AGPAT5: variants seen among roughly 807,000 people sequenced by gnomAD.
The protein encoded by AGPAT5 is 1-acylglycerol-3-phosphate O-acyltransferase 5.
AGPAT5 carries 46 observed loss-of-function variants against 45.6 expected under a neutral mutation model. The ratio of observed to expected loss-of-function variants is 1.01; its 90% CI spans 0.80 to 1.29. The LOEUF is 1.29. Ranked by LOEUF, AGPAT5 falls within the 50% of genes most tolerant of loss-of-function variation. AGPAT5 has a pLI of 0.00. For synonymous variants in AGPAT5, 272 were observed against 167.0 expected (o/e 1.63, Z -4.85); for missense variants, 673 against 450.7 (o/e 1.49, Z -4.47).
At chr8:6,747,912 G>C in intron 6 of AGPAT5, 84 bp downstream of exon 6, 1 of 1,404,550 alleles carries the variant, frequency 7.1e-7, no homozygotes, top group Non-Finnish European at 9.5e-7. Flanking sequence ...TACAAAGTAG[G>C]TTAAGTGTAC....
intron 5 of AGPAT5, among the ~76,000 whole-genome samples, chr8:6,744,321 T>C (rs764969470): frequency 5.3e-5 from 8 of 152,216 alleles, no homozygotes; most frequent in African/African-American, 9.6e-5. Context: ...AGAAAGCTAG[T>C]GCTCAGCTTT....
In AGPAT5 at chr8:6,757,391, A is replaced by G; in HGVS notation, c.*3A>G. ...TGTGGGTTACTATTAAAGCATAGAC[A>G]AGTAGCTGTCTCCAGACAGTGGGAT... On this transcript the variant is annotated 3_prime_UTR_variant, in exon 8 of 8. Transcript: ENST00000285518. The G allele has an allele frequency of 1.2e-6, 2 of 1,612,608 alleles. No individual in the cohort carries two copies. Among genetic ancestry groups the G allele is most frequent in the South Asian group, 2.2e-5 (2 of 91,002 alleles).
At chr8:6,729,963 G>A (rs998623023) in intron 2 of AGPAT5, among the ~76,000 whole-genome samples, 4 of 152,020 alleles carry the variant, frequency 2.6e-5, no homozygotes, top group African/African-American at 4.8e-5. Context: ...ACCTAGTACC[G>A]AGTCCTAAAA....
chr8:6,755,491 C>T (rs1364381889), intron 7 of AGPAT5, among the ~76,000 whole-genome samples: 1 of 152,184 alleles, frequency 6.6e-6, no homozygotes, highest in Non-Finnish European at 1.5e-5. Context: ...CCGGACCTAC[C>T]TGTCAGGTCA....
chr8:6,723,402 G>C (rs1020548993), intron 1 of AGPAT5, among the ~76,000 whole-genome samples: 6 of 152,162 alleles, frequency 3.9e-5, no homozygotes, highest in Non-Finnish European at 7.3e-5. Context: ...GCCCATGCTG[G>C]GTTTGAACTT....
chr8:6,747,897 A>G, intron 6 of AGPAT5, 69 bp downstream of exon 6: 2 of 1,466,406 alleles, frequency 1.4e-6, no homozygotes, highest in East Asian at 4.7e-5. Flanking sequence ...TGTAGAATTC[A>G]GTTTTACAAA....
At chr8:6,720,406 C>G (rs1800461030) in intron 1 of AGPAT5, among the ~76,000 whole-genome samples, 2 of 152,138 alleles carry the variant, frequency 1.3e-5, no homozygotes, top group Non-Finnish European at 2.9e-5. Flanking sequence ...CATCATAAGT[C>G]AGAACAGTGC....
At chr8:6,726,649 AC>A (rs995200531) in intron 2 of AGPAT5, among the ~76,000 whole-genome samples, 8 of 152,212 alleles carry the variant, frequency 5.3e-5, no homozygotes, top group African/African-American at 1.7e-4. Context: ...ATTAAAAAAA[AC>A]AATTCTGCAT....
chr8:6,714,837 A>G (rs1352821016), intron 1 of AGPAT5, among the ~76,000 whole-genome samples: 2 of 152,228 alleles, frequency 1.3e-5, no homozygotes, highest in East Asian at 1.9e-4. Flanking sequence ...ACGGGAAAAC[A>G]GCACTCCGTA....
At chr8:6,716,306 C>A (rs1222587579) in intron 1 of AGPAT5, among the ~76,000 whole-genome samples, 10 of 152,152 alleles carry the variant, frequency 6.6e-5, no homozygotes, top group Admixed American at 6.5e-4. Flanking sequence ...TGCCTGTAAT[C>A]CCAGCATTTT....
chr8:6,730,870 AATTT>A, intron 3 of AGPAT5, 44 bp downstream of exon 3: 3 of 1,243,232 alleles, frequency 2.4e-6, no homozygotes, highest in South Asian at 1.4e-5. Flanking sequence ...GTAGTTTATA[AATTT>A]TTTTTTTTTT....
intron 1 of AGPAT5, among the ~76,000 whole-genome samples, chr8:6,716,110 G>A (rs1800320822): frequency 6.6e-6 from 1 of 152,074 alleles, no homozygotes; most frequent in South Asian, 2.1e-4. Context: ...CCATCTCATT[G>A]TCAGGGTAAC....
chr8:6,731,053 G>T (rs1023787600), intron 3 of AGPAT5, among the ~76,000 whole-genome samples: 12 of 151,922 alleles, frequency 7.9e-5, no homozygotes, highest in African/African-American at 2.7e-4. Flanking sequence ...ATTTTTTGTA[G>T]AGATGGGGGT....
Position 6,758,834 on chromosome 8 carries a change from T to G in AGPAT5, c.*1446T>G, listed in dbSNP as rs1260628716. The G allele has an allele frequency of 1.3e-5, 2 of 152,664 alleles. No individual in the cohort carries two copies. Among genetic ancestry groups the G allele is most frequent in the Non-Finnish European group, 2.9e-5 (2 of 68,044 alleles). The allele number at this position is 152,664 out of a possible 1,614,324, so 9.5% of individuals were successfully genotyped here. A position where few individuals can be genotyped will look rare whatever the true frequency, so the allele number is the denominator to read the frequency against. ...TCCTCATAGTCCTTTAAGTTGACAT[T>G]TCTGCTTACTGCTACTGGATTTTTG... On this transcript the variant is annotated 3_prime_UTR_variant, in exon 8 of 8. Transcript: ENST00000285518.
intron 2 of AGPAT5, among the ~76,000 whole-genome samples, chr8:6,726,028 C>G (rs1012991546): frequency 6.6e-6 from 1 of 152,200 alleles, no homozygotes; most frequent in African/African-American, 2.4e-5. Flanking sequence ...AGGGTTGAAG[C>G]TACAAGGGGT....
intron 5 of AGPAT5, among the ~76,000 whole-genome samples, chr8:6,742,078 C>T (rs969184652): frequency 6.6e-6 from 1 of 152,150 alleles, no homozygotes; most frequent in Non-Finnish European, 1.5e-5. Context: ...TGTAATGGAG[C>T]TTCTGTTTTG....
At chr8:6,711,565 T>C (rs1397222978) in intron 1 of AGPAT5, among the ~76,000 whole-genome samples, 1 of 152,212 alleles carries the variant, frequency 6.6e-6, no homozygotes, top group Non-Finnish European at 1.5e-5. Context: ...CTCTCTACTG[T>C]GTTGAGAGGC....
intron 6 of AGPAT5, among the ~76,000 whole-genome samples, chr8:6,754,339 T>C (rs1267601279): frequency 6.6e-6 from 1 of 152,204 alleles, no homozygotes; most frequent in Non-Finnish European, 1.5e-5. Context: ...ATAATTTTGG[T>C]TCTTTTACCA....
chr8:6,759,506 C>T lies in AGPAT5; in HGVS notation c.*2118C>T, dbSNP rs1174347151. ...GTATACCTACCTGTAAGTCTTTTCACATATCATTTAAACTTTTGTTTGTAT... is the reference window on the plus strand; with the variant it reads ...GTATACCTACCTGTAAGTCTTTTCATATATCATTTAAACTTTTGTTTGTAT... On this transcript the variant is annotated 3_prime_UTR_variant, in exon 8 of 8. Coordinates refer to ENST00000285518, the MANE Select transcript of AGPAT5 (RefSeq NM_018361.5). 2.0e-5 allele frequency: 3 copies of T among 152,120 alleles called. No homozygotes were observed. The highest frequency in any genetic ancestry group is 1.3e-4 in the Admixed American group (2 of 15,266). The allele number at this position is 152,120 out of a possible 1,614,324, so 9.4% of individuals were successfully genotyped here.
Sources: gnomAD v4.1 joint callset for allele counts (sites outside exome capture counted in the v4.1 genomes callset) on GRCh38, gnomAD v4.1.1 for gene constraint, MANE v1.5 for transcripts, NCBI Gene and HGNC (gene_info 2026-07-23, HGNC 2026-07-21) for gene names.